Variants in RNF111 observed in about 807,000 individuals in gnomAD.
RNF111 encodes ring finger protein 111, also known as E3 ubiquitin-protein ligase Arkadia.
RNF111 carries 17 observed loss-of-function variants against 95.1 expected under a neutral mutation model. The observed-to-expected ratio is 0.18, with a 90% confidence interval of 0.12 to 0.27. The LOEUF (loss-of-function observed/expected upper bound fraction) is 0.27, where lower values mean the gene tolerates loss of function less well. Among genes scored for constraint, RNF111 ranks in the 10% least tolerant of loss-of-function variants. The probability of loss-of-function intolerance (pLI) is 1.00; values close to 1 mark genes in which losing one functional copy is unlikely to be tolerated. For missense variants in RNF111, 1,189 were observed against 1,210.4 expected (o/e 0.98, Z 0.26); for synonymous variants, 440 against 414.8 (o/e 1.06, Z -0.74).
Position 59,081,196 on chromosome 15 carries a change from G to A in RNF111, c.2209G>A (p.Ala737Thr). The change falls in exon 8 of 14, where the codon GCC (alanine) becomes ACC (threonine). Residue 737 changes from alanine (A) to threonine (T), a missense_variant. Around this residue, in one of 2 missense-constraint regions of RNF111, gnomAD observed 1,024 missense variants for 925.9 expected, o/e 1.11. Transcript: ENST00000348370. ...CCAGCCAATTTCGCACCATATTCCAGCCACAGCACCTCCAGCACAGAGACT... is the reference window on the plus strand; with the variant it reads ...CCAGCCAATTTCGCACCATATTCCAACCACAGCACCTCCAGCACAGAGACT... ...THQPISHHIP[A>T]TAPPAQRLHP... 3 of 1,614,116 alleles carry A rather than the reference G, an allele frequency of 1.9e-6. No homozygotes were observed. The highest frequency in any genetic ancestry group is 2.5e-6 in the Non-Finnish European group (3 of 1,180,014).
intron 1 of RNF111, among the ~76,000 whole-genome samples, chr15:59,012,245 C>T (rs1320079905): frequency 1.3e-5 from 2 of 152,054 alleles, no homozygotes; most frequent in South Asian, 2.1e-4. Context: ...TCTCGAACTT[C>T]TGACCTCAGG....
intron 9 of RNF111, 46 bp downstream of exon 9, chr15:59,084,300 T>G (rs2078833954): frequency 7.4e-6 from 11 of 1,479,484 alleles, no homozygotes; most frequent in Non-Finnish European, 9.9e-6. Context: ...CAGCTTGTGG[T>G]AAAACTATTG....
At chr15:59,067,127 C>T (rs1380416662) in intron 6 of RNF111, 44 bp downstream of exon 6, 1 of 1,148,098 alleles carries the variant, frequency 8.7e-7, no homozygotes, top group South Asian at 1.5e-5. Flanking sequence ...CCCCTCTTGT[C>T]TCTCTCTCTC....
intron 1 of RNF111, among the ~76,000 whole-genome samples, chr15:59,022,803 G>C (rs1170913958): frequency 1.3e-5 from 2 of 152,194 alleles, no homozygotes; most frequent in Admixed American, 1.3e-4. Context: ...TAAGGAGATT[G>C]CCTGTCCTTC....
rs183266681 is a variant in RNF111, at chr15:59,000,579, G to A, written c.-20+12511G>A. Among the ~76,000 whole-genome samples, 14 of 151,978 alleles carry A rather than the reference G, an allele frequency of 9.2e-5. No individual in the cohort carries two copies. In the East Asian group the frequency reaches 2.5e-3, roughly 27 times the overall value. ...ATACAAAACAGCCAGGTATGGTGGC[G>A]GGCGCCTATAATCCTAGCTATTCGG... On this transcript the variant is annotated intron_variant, in intron 1 of 13. Coordinates refer to ENST00000348370, the MANE Select transcript of RNF111 (RefSeq NM_017610.8).
intron 1 of RNF111, among the ~76,000 whole-genome samples, chr15:59,022,488 A>G (rs1181929816): frequency 6.6e-6 from 1 of 152,144 alleles, no homozygotes; most frequent in Non-Finnish European, 1.5e-5. Flanking sequence ...ATTTAACTGT[A>G]TTTTCTTTCC....
At chr15:59,050,239 A>G (rs1041472455) in intron 2 of RNF111, 4 of 151,938 alleles carry the variant, frequency 2.6e-5, no homozygotes, top group Non-Finnish European at 5.9e-5. Context: ...TAATTATTGT[A>G]TGAGCAGTAG....
At chr15:59,088,788 A>C (rs1042770722) in intron 10 of RNF111, among the ~76,000 whole-genome samples, 3 of 152,224 alleles carry the variant, frequency 2.0e-5, no homozygotes, top group Non-Finnish European at 2.9e-5. Context: ...AAAATATTGT[A>C]GAATCATTAA....
intron 11 of RNF111, among the ~76,000 whole-genome samples, chr15:59,090,030 A>G (rs1188085604): frequency 1.3e-5 from 2 of 152,230 alleles, no homozygotes; most frequent in Non-Finnish European, 2.9e-5. Context: ...TGTCAGATAT[A>G]TAACTATACC....
At chr15:59,068,186 C>T (rs1340325048) in intron 6 of RNF111, among the ~76,000 whole-genome samples, 2 of 152,070 alleles carry the variant, frequency 1.3e-5, no homozygotes, top group Admixed American at 6.6e-5. Context: ...CGCCATTGCA[C>T]TCCAGCCTGG....
chr15:59,092,678 A>G, intron 13 of RNF111, 38 bp downstream of exon 13: 1 of 1,557,560 alleles, frequency 6.4e-7, no homozygotes, highest in African/African-American at 1.4e-5. Context: ...CATTGTCAAA[A>G]CTGTACATGG....
rs16941003 is a variant in RNF111, at chr15:59,088,305, G to C, written c.2551-1362G>C. On this transcript the variant is annotated intron_variant, in intron 10 of 13. Coordinates refer to ENST00000348370, the MANE Select transcript of RNF111 (RefSeq NM_017610.8). ...TGGAGGAAAGAGACTAGGGAGGAGA[G>C]GCTTTTCAGGGTAAGTGAAGATTTA... 6.9e-3 allele frequency among the ~76,000 whole-genome samples: 1,058 copies of C among 152,272 alleles called. 10 individuals are homozygous for C. The highest frequency in any genetic ancestry group is 0.024 in the African/African-American group (1,016 of 41,540).
intron 5 of RNF111, among the ~76,000 whole-genome samples, chr15:59,063,855 G>A (rs893927063): frequency 6.6e-6 from 1 of 152,166 alleles, no homozygotes; most frequent in Non-Finnish European, 1.5e-5. Context: ...TGTCAGAGTT[G>A]GAAGGAACCA....
intron 3 of RNF111, 63 bp downstream of exon 3, chr15:59,052,494 G>T: frequency 1.7e-6 from 2 of 1,194,896 alleles, no homozygotes; most frequent in Non-Finnish European, 2.2e-6. Flanking sequence ...ACATATTTGT[G>T]CTGCAGATAT....
Position 59,058,811 on chromosome 15 carries a change from G to A in RNF111, c.1366+261G>A, listed in dbSNP as rs377717903. 7.8e-5 allele frequency: 30 copies of A among 384,284 alleles called. 1 individual carries two copies. Among genetic ancestry groups the A allele is most frequent in the South Asian group, 4.4e-4 (13 of 29,364 alleles). 23.8% of individuals were successfully genotyped at this position (384,284 alleles called of 1,614,324 possible). A position where few individuals can be genotyped will look rare whatever the true frequency, so the allele number is the denominator to read the frequency against. ...CAAATGGCTGACACCAAAAGCATGA[G>A]CAACAAAAGCAAAAGTAGATAAGTT... On this transcript the variant is annotated intron_variant, in intron 5 of 13. Coordinates refer to ENST00000348370, the MANE Select transcript of RNF111 (RefSeq NM_017610.8).
chr15:59,073,260 C>T (rs141471543), intron 6 of RNF111, among the ~76,000 whole-genome samples: 235 of 152,124 alleles, frequency 1.5e-3, no homozygotes, highest in African/African-American at 4.5e-3. Context: ...AGATCACTTG[C>T]GGTCAGCAGT....
At chr15:59,020,704 A>G (rs2040297248) in intron 1 of RNF111, among the ~76,000 whole-genome samples, 1 of 152,224 alleles carries the variant, frequency 6.6e-6, no homozygotes, top group African/African-American at 2.4e-5. Flanking sequence ...GAGAGGTTTA[A>G]CTTATCTGTT....
At position 59,071,702 on chromosome 15, in the gene RNF111, A is replaced by AAT. The variant is rs1555399064; in HGVS notation, c.1687-4251_1687-4250insTA. On this transcript the variant is annotated intron_variant, in intron 6 of 13. Coordinates refer to ENST00000348370, the MANE Select transcript of RNF111 (RefSeq NM_017610.8). The stretch of plus-strand genomic sequence containing the variant: ...AGAGATCCTGTCGCAAAAAAAAAAA[A>AAT]AAATAAAGTTTTTGGAGGAAAATAT... Among the ~76,000 whole-genome samples the AAT allele has an allele frequency of 4.9e-3, 748 of 151,788 alleles. 9 individuals are homozygous for AAT. The highest frequency in any genetic ancestry group is 0.044 in the Middle Eastern group (13 of 294).
rs1484409669 is a variant in RNF111, at chr15:59,076,140, ATGG to A, written c.1875_1877del (p.Met625_Val626delinsIle). 6.2e-7 allele frequency: 1 copy of A among 1,613,978 alleles called. No individual in the cohort carries two copies. Among genetic ancestry groups the A allele is most frequent in the Non-Finnish European group, 8.5e-7 (1 of 1,180,048 alleles). ...ATCAATAGATGGCTATGGATCAAGC[ATGG>A]TTGCGCAGCCCCAGCCCCAGCCCCC... On this transcript the variant is annotated inframe_deletion, in exon 7 of 14. Transcript: ENST00000348370.
Sources: gnomAD v4.1 joint callset for allele counts (sites outside exome capture counted in the v4.1 genomes callset) on GRCh38, gnomAD v4.1.1 for gene constraint, gnomAD v4.1.1 regional missense constraint, MANE v1.5 for transcripts, NCBI Gene and HGNC (gene_info 2026-07-23, HGNC 2026-07-21) for gene names.